RSF1: variants seen among roughly 807,000 people sequenced by gnomAD.
RSF1 encodes the protein HBV pX-associated protein 8.
Under a neutral mutation model 145.2 loss-of-function variants are expected in RSF1, and 13 were observed. That is an observed-to-expected ratio of 0.09 (90% CI 0.06 to 0.14). The LOEUF (loss-of-function observed/expected upper bound fraction) is 0.14, where lower values mean the gene tolerates loss of function less well. Among genes scored for constraint, RSF1 ranks in the 10% least tolerant of loss-of-function variants. The pLI is 1.00. For missense variants in RSF1, 1,517 were observed against 1,718.2 expected, an observed-to-expected ratio of 0.88 and a Z score of 2.07; for synonymous variants, 577 against 592.6, an observed-to-expected ratio of 0.97 and a Z score of 0.38.
intron 1 of RSF1, among the ~76,000 whole-genome samples, chr11:77,807,368 TACTCTAA>T (rs1948687485): frequency 6.6e-6 from 1 of 152,232 alleles, no homozygotes. Context: ...ACCCTAGAAT[TACTCTAA>T]ACAGTAGTTA....
At position 77,663,172 on chromosome 11, in the gene RSF1, A is replaced by T. The variant is rs1959273680; in HGVS notation, c.*3745T>A. 1 of 152,188 alleles carries T rather than the reference A, an allele frequency of 6.6e-6. No individual in the cohort carries two copies. The highest frequency in any genetic ancestry group is 1.5e-5 in the Non-Finnish European group (1 of 68,030). The allele number at this position is 152,188 out of a possible 1,614,324, so 9.4% of individuals were successfully genotyped here. On this transcript the variant is annotated 3_prime_UTR_variant, in exon 16 of 16. Transcript: ENST00000308488. ...AGCTTTTTCTGAATATTAAACTTGTAGATTCATTAGGTTCTTTACAGTTGT... is the reference window on the plus strand; with the variant it reads ...AGCTTTTTCTGAATATTAAACTTGTTGATTCATTAGGTTCTTTACAGTTGT...
the RSF1 span, among the ~76,000 whole-genome samples, chr11:77,860,261 G>C: frequency 6.6e-6 from 1 of 152,156 alleles, no homozygotes; most frequent in African/African-American, 2.4e-5. Flanking sequence ...TGCTTTCTGA[G>C]TTTCCTTAAT....
At position 77,702,192 on chromosome 11, in the gene RSF1, T is replaced by A; in HGVS notation, c.1037A>T (p.Gln346Leu). 6.2e-7 allele frequency: 1 copy of A among 1,614,104 alleles called. No homozygotes were observed. Among genetic ancestry groups the A allele is most frequent in the Non-Finnish European group, 8.5e-7 (1 of 1,179,992 alleles). Reference protein sequence around the residue: ...TKSSMEKPVAQEPERIEFGGN... With the variant: ...TKSSMEKPVALEPERIEFGGN... ...ACCAAATTCGATCCTTTCAGGCTCC[T>A]GTGCCACTGGCTTCTCCATGCTACT... Residue 346 changes from glutamine (Q) to leucine (L), a missense_variant, in exon 6 of 16, where the codon CAG (glutamine) becomes CTG (leucine). Gln to Leu is a moderately radical substitution (Grantham distance 113). Transcript: ENST00000308488.
At chr11:77,680,398 C>A (rs1037937947) in intron 11 of RSF1, among the ~76,000 whole-genome samples, 1 of 152,044 alleles carries the variant, frequency 6.6e-6, no homozygotes, top group Non-Finnish European at 1.5e-5. Flanking sequence ...TGTGATCATG[C>A]CACTGCACTC....
chr11:77,846,075 C>T, the RSF1 span, among the ~76,000 whole-genome samples: 216 of 152,116 alleles, frequency 1.4e-3, 1 homozygote, highest in Non-Finnish European at 1.6e-3. Context: ...AACTCCCCCT[C>T]CCATTCTGAG....
At chr11:77,742,869 T>G (rs1337974183) in intron 3 of RSF1, among the ~76,000 whole-genome samples, 3 of 152,202 alleles carry the variant, frequency 2.0e-5, no homozygotes, top group Admixed American at 6.5e-5. Flanking sequence ...TTAGTAGTTT[T>G]ATACTTTCGG....
chr11:77,788,298 G>T (rs1055237667), intron 1 of RSF1, among the ~76,000 whole-genome samples: 2 of 150,040 alleles, frequency 1.3e-5, no homozygotes, highest in Non-Finnish European at 3.0e-5. Context: ...GAAATTACTG[G>T]TAATAGAATC....
chr11:77,696,489 A>G lies in RSF1; in HGVS notation c.2715+1998T>C, dbSNP rs78681753. On this transcript the variant is annotated intron_variant, in intron 7 of 15. Coordinates refer to ENST00000308488, the MANE Select transcript of RSF1 (RefSeq NM_016578.4). Reference sequence around the variant, plus strand: ...TGAGGATTATCCTTAAGCACTTGGCATAAGAATCTACCATATTTGGGATCT... The same window carrying G: ...TGAGGATTATCCTTAAGCACTTGGCGTAAGAATCTACCATATTTGGGATCT... 5.5e-3 allele frequency among the ~76,000 whole-genome samples: 838 copies of G among 152,350 alleles called. 10 individuals are homozygous for G. Among genetic ancestry groups the G allele is most frequent in the African/African-American group, 0.018 (747 of 41,580 alleles).
chr11:77,731,050 G>A (rs890237542), intron 4 of RSF1, among the ~76,000 whole-genome samples: 4 of 152,168 alleles, frequency 2.6e-5, no homozygotes, highest in Admixed American at 6.6e-5. Flanking sequence ...GAGTTTGGAG[G>A]GCTCAGAAGA....
intron 1 of RSF1, among the ~76,000 whole-genome samples, chr11:77,807,823 G>A (rs1050301972): frequency 8.7e-4 from 133 of 152,192 alleles, no homozygotes; most frequent in African/African-American, 2.9e-3. Context: ...AATGACACAC[G>A]ATTATCATAA....
chr11:77,691,367 G>A lies in RSF1; in HGVS notation c.2821-129C>T, dbSNP rs547662771. ...GACCACATAGTAAGTGAACAATGAA[G>A]CTTTTCTTGTGTTTAATTAAACACA... On this transcript the variant is annotated intron_variant, in intron 8 of 15. Transcript: ENST00000308488. The A allele has an allele frequency of 1.7e-5, 12 of 697,988 alleles. No individual in the cohort carries two copies. In the East Asian group the frequency reaches 2.9e-4, roughly 17 times the overall value. The allele number at this position is 697,988 out of a possible 1,614,324, so 43.2% of individuals were successfully genotyped here. A position where few individuals can be genotyped will look rare whatever the true frequency, so the allele number is the denominator to read the frequency against.
At position 77,702,416 on chromosome 11, in the gene RSF1, T is replaced by C. The variant is rs766307009; in HGVS notation, c.813A>G (p.Leu271=). Residue 271 remains leucine, a synonymous_variant, in exon 6 of 16, where the codon CTA becomes CTG. Transcript: ENST00000308488. The stretch of plus-strand genomic sequence containing the variant: ...TTTCTTTTTTCACAGTAGTCTCTTC[T>C]AGAACATTGGCTGTAGAACGGTTTT... The part of the protein sequence containing the change: ...DLENRSTANV[L]EETTVKKEKE... 6.3e-7 allele frequency: 1 copy of C among 1,597,892 alleles called. No homozygotes were observed. Among genetic ancestry groups the C allele is most frequent in the South Asian group, 1.2e-5 (1 of 86,290 alleles).
At chr11:77,670,965 G>A (rs1959507499) in intron 15 of RSF1, among the ~76,000 whole-genome samples, 1 of 150,402 alleles carries the variant, frequency 6.6e-6, no homozygotes, top group African/African-American at 2.4e-5. Flanking sequence ...AAATTAGCCA[G>A]GCTTGGTGGC....
intron 2 of RSF1, 164 bp downstream of exon 2, chr11:77,764,434 T>C: frequency 1.8e-6 from 1 of 563,086 alleles, no homozygotes; most frequent in Admixed American, 3.5e-5. Flanking sequence ...TACTAAGTAG[T>C]AGCAAAAGAA....
In RSF1 at chr11:77,764,692, T is replaced by C; in HGVS notation, c.188-3A>G. 1 of 1,556,802 alleles carries C rather than the reference T, an allele frequency of 6.4e-7. No individual in the cohort carries two copies. The highest frequency in any genetic ancestry group is 8.8e-7 in the Non-Finnish European group (1 of 1,140,350). On this transcript the variant is annotated splice_region_variant and splice_polypyrimidine_tract_variant and intron_variant, in intron 1 of 15. Transcript: ENST00000308488. Reference sequence around the variant, plus strand: ...GAGCTCCACCAATTCTTTTGGTACTTAAAAGAAAGAAAAAAAATATCATTA... The same window carrying C: ...GAGCTCCACCAATTCTTTTGGTACTCAAAAGAAAGAAAAAAAATATCATTA...
Position 77,662,189 on chromosome 11 carries a change from A to G in RSF1, c.*4728T>C, listed in dbSNP as rs1389563932. The G allele has an allele frequency of 1.3e-5, 2 of 152,176 alleles. No individual in the cohort carries two copies. The highest frequency in any genetic ancestry group is 4.8e-5 in the African/African-American group (2 of 41,438). The allele number at this position is 152,176 out of a possible 1,614,324, so 9.4% of individuals were successfully genotyped here. A position where few individuals can be genotyped will look rare whatever the true frequency, so the allele number is the denominator to read the frequency against. ...ATTGTTATGCCCTCTTATATAACTT[A>G]TGTATAGGATAGTCATATTTTAAAG... On this transcript the variant is annotated 3_prime_UTR_variant, in exon 16 of 16. Coordinates refer to ENST00000308488, the MANE Select transcript of RSF1 (RefSeq NM_016578.4).
At chr11:77,760,471 T>C (rs1948160105) in intron 2 of RSF1, among the ~76,000 whole-genome samples, 1 of 152,196 alleles carries the variant, frequency 6.6e-6, no homozygotes, top group East Asian at 1.9e-4. Flanking sequence ...GTTAGAAAAG[T>C]TCTGGAATTA....
intron 5 of RSF1, among the ~76,000 whole-genome samples, chr11:77,720,780 A>T (rs1960924573): frequency 6.6e-6 from 1 of 152,204 alleles, no homozygotes; most frequent in Non-Finnish European, 1.5e-5. Flanking sequence ...AAGCATCTAG[A>T]TGATCTGGAA....
intron 5 of RSF1, among the ~76,000 whole-genome samples, chr11:77,714,289 A>G (rs528367444): frequency 6.6e-6 from 1 of 152,138 alleles, no homozygotes; most frequent in Non-Finnish European, 1.5e-5. Flanking sequence ...TTTGTTGTAG[A>G]TTTTGTCTAT....
Sources: allele counts gnomAD v4.1 joint callset (sites outside exome capture counted in the v4.1 genomes callset), GRCh38; gene constraint gnomAD v4.1.1; transcripts MANE v1.5; gene names NCBI Gene and HGNC (gene_info 2026-07-23, HGNC 2026-07-21).